Variants in OPCML observed in about 807,000 individuals in gnomAD.
OPCML encodes opioid binding protein/cell adhesion molecule like, also known as opioid-binding protein/cell adhesion molecule.
OPCML carries 13 observed loss-of-function variants against 37.8 expected under a neutral mutation model. The ratio of observed to expected loss-of-function variants is 0.34; its 90% CI spans 0.22 to 0.55. The LOEUF is 0.55. OPCML is among the 20% of genes least tolerant of loss of function. The pLI is 0.91. For missense variants in OPCML, 341 were observed against 435.6 expected, an observed-to-expected ratio of 0.78 and a Z score of 1.93; for synonymous variants, 176 against 168.8, an observed-to-expected ratio of 1.04 and a Z score of -0.33.
intron 2 of OPCML, among the ~76,000 whole-genome samples, chr11:132,667,477 T>C (rs960435560): frequency 6.6e-6 from 1 of 152,176 alleles, no homozygotes; most frequent in African/African-American, 2.4e-5. Flanking sequence ...TGTAAGTATA[T>C]ATACTAATGA....
At chr11:133,431,187 T>A (rs2136916586) in intron 1 of OPCML, among the ~76,000 whole-genome samples, 1 of 152,344 alleles carries the variant, frequency 6.6e-6, no homozygotes, top group South Asian at 2.1e-4. Context: ...CCTTGACATA[T>A]AATTAAATGT....
intron 1 of OPCML, among the ~76,000 whole-genome samples, chr11:133,117,053 CT>C (rs1287428837): frequency 6.6e-6 from 1 of 151,882 alleles, no homozygotes; most frequent in Admixed American, 6.6e-5. Context: ...TAATTTTATT[CT>C]ACTCAATGGA....
intron 2 of OPCML, among the ~76,000 whole-genome samples, chr11:132,661,750 A>G (rs1941985827): frequency 6.6e-6 from 1 of 152,250 alleles, no homozygotes; most frequent in Non-Finnish European, 1.5e-5. Context: ...CATCACAAGT[A>G]ACCTCTAAAA....
chr11:133,369,550 A>C (rs544451832), intron 1 of OPCML, among the ~76,000 whole-genome samples: 97 of 152,334 alleles, frequency 6.4e-4, no homozygotes, highest in Middle Eastern at 6.8e-3. Context: ...TTCTAACTAC[A>C]CACATTGTAT....
In OPCML at chr11:133,404,288, C is replaced by T. The variant is rs118090952; in HGVS notation, c.61+127976G>A. Among the ~76,000 whole-genome samples the T allele has an allele frequency of 8.8e-3, 1,343 of 152,350 alleles. 7 individuals carry two copies. The highest frequency in any genetic ancestry group is 0.014 in the Non-Finnish European group (949 of 68,040). On this transcript the variant is annotated intron_variant, in intron 1 of 7. Transcript: ENST00000524381. ...GTATGGTCTCATCTTAACTTGATTA[C>T]CTCTCCCAAGATTTTATTTCCAAAT...
intron 2 of OPCML, among the ~76,000 whole-genome samples, chr11:132,795,204 C>A (rs1165326343): frequency 6.6e-6 from 1 of 151,984 alleles, no homozygotes; most frequent in Non-Finnish European, 1.5e-5. Flanking sequence ...ACATTTCATA[C>A]GTTTGAATTT....
intron 1 of OPCML, among the ~76,000 whole-genome samples, chr11:133,002,349 G>T (rs1013978221): frequency 2.0e-5 from 3 of 152,188 alleles, no homozygotes; most frequent in Non-Finnish European, 1.5e-5. Context: ...TAGACAGAAA[G>T]CACCTTGCTC....
intron 1 of OPCML, among the ~76,000 whole-genome samples, chr11:132,953,300 A>C (rs1206694258): frequency 6.6e-6 from 1 of 152,204 alleles, no homozygotes; most frequent in Non-Finnish European, 1.5e-5. Flanking sequence ...CACAGTCTGC[A>C]GAAACTCCGT....
chr11:132,635,940 T>TTTAGA (rs1267813459), intron 3 of OPCML, among the ~76,000 whole-genome samples: 2 of 152,050 alleles, frequency 1.3e-5, no homozygotes, highest in African/African-American at 4.8e-5. Context: ...AAATAGTAAA[T>TTTAGA]TTAGATAGCT....
intron 2 of OPCML, among the ~76,000 whole-genome samples, chr11:132,709,607 G>GC (rs967014740): frequency 3.9e-5 from 6 of 152,080 alleles, no homozygotes; most frequent in African/African-American, 1.4e-4. Context: ...TCTGTAGCAT[G>GC]CCCCCCTGGT....
At chr11:133,225,170 A>G (rs1213569770) in intron 1 of OPCML, among the ~76,000 whole-genome samples, 9 of 152,188 alleles carry the variant, frequency 5.9e-5, no homozygotes, top group East Asian at 3.8e-4. Flanking sequence ...TTATTTGGCA[A>G]TCAGGCACTT....
At chr11:132,442,309 A>C (rs971039008) in intron 4 of OPCML, among the ~76,000 whole-genome samples, 8 of 152,202 alleles carry the variant, frequency 5.3e-5, no homozygotes. Context: ...GGGGATGAAA[A>C]AGATCAAACA....
At chr11:132,716,105 G>A (rs1944465309) in intron 2 of OPCML, among the ~76,000 whole-genome samples, 1 of 152,202 alleles carries the variant, frequency 6.6e-6, no homozygotes, top group African/African-American at 2.4e-5. Flanking sequence ...AAGGAGGGCT[G>A]CTCCAGATGA....
intron 1 of OPCML, among the ~76,000 whole-genome samples, chr11:133,289,640 A>C (rs1367269397): frequency 1.3e-5 from 2 of 151,370 alleles, no homozygotes. Flanking sequence ...GTTTCACGCT[A>C]TTCCCATCAG....
intron 2 of OPCML, among the ~76,000 whole-genome samples, chr11:132,762,575 C>T (rs183221653): frequency 8.0e-4 from 122 of 152,326 alleles, no homozygotes; most frequent in African/African-American, 2.6e-3. Context: ...GTGGGTTCCA[C>T]ACCAAGTTCG....
chr11:132,491,108 T>C lies in OPCML; in HGVS notation c.505+37953A>G, dbSNP rs139825199. Among the ~76,000 whole-genome samples the C allele has an allele frequency of 1.4e-4, 22 of 152,314 alleles. No homozygotes were observed. In the East Asian group the frequency reaches 3.9e-3, roughly 27 times the overall value. On this transcript the variant is annotated intron_variant, in intron 4 of 7. Transcript: ENST00000524381. Reference sequence around the variant, plus strand: ...CTTTCTCACCACGTGTATGCTCCCATGATGTTGAGGCCCGCACATCTCTCC... The same window carrying C: ...CTTTCTCACCACGTGTATGCTCCCACGATGTTGAGGCCCGCACATCTCTCC...
At chr11:132,487,532 T>A (rs770446739) in intron 4 of OPCML, among the ~76,000 whole-genome samples, 25 of 152,242 alleles carry the variant, frequency 1.6e-4, no homozygotes, top group Non-Finnish European at 3.4e-4. Flanking sequence ...TCATGCAGCC[T>A]GCTGTTTGCT....
intron 1 of OPCML, among the ~76,000 whole-genome samples, chr11:133,531,749 G>T (rs977206599): frequency 4.8e-5 from 7 of 147,338 alleles, no homozygotes; most frequent in Admixed American, 4.7e-4. Flanking sequence ...GAGAGGGAGA[G>T]AGAGAGAGAG....
intron 1 of OPCML, among the ~76,000 whole-genome samples, chr11:133,238,927 T>G (rs1460779571): frequency 6.6e-6 from 1 of 152,266 alleles, no homozygotes; most frequent in African/African-American, 2.4e-5. Flanking sequence ...TATTGTTCTA[T>G]TACTCTAACG....
Sources: gnomAD v4.1 joint callset for allele counts (sites outside exome capture counted in the v4.1 genomes callset) on GRCh38, gnomAD v4.1.1 for gene constraint, MANE v1.5 for transcripts, NCBI Gene and HGNC (gene_info 2026-07-23, HGNC 2026-07-21) for gene names.